TMEFF2: variants seen among roughly 807,000 people sequenced by gnomAD.
TMEFF2 encodes tomoregulin-2.
A neutral mutation model predicts 53.8 loss-of-function variants in TMEFF2; 28 were observed. The ratio of observed to expected loss-of-function variants is 0.52; its 90% CI spans 0.39 to 0.71. TMEFF2 has a LOEUF of 0.71. TMEFF2 is among the 30% of genes least tolerant of loss of function. The pLI is 0.00. For synonymous variants in TMEFF2, 162 were observed against 166.3 expected, an observed-to-expected ratio of 0.97 and a Z score of 0.20; for missense variants, 353 against 455.2, an observed-to-expected ratio of 0.78 and a Z score of 2.04.
At chr2:192,188,137 C>T (rs368093821) in intron 2 of TMEFF2, among the ~76,000 whole-genome samples, 18 of 152,312 alleles carry the variant, frequency 1.2e-4, no homozygotes, top group African/African-American at 4.3e-4. Context: ...AATCCTTTGG[C>T]CATTCCATAA....
chr2:191,966,643 CA>C (rs1324984923), intron 7 of TMEFF2, among the ~76,000 whole-genome samples: 1 of 151,810 alleles, frequency 6.6e-6, no homozygotes. Flanking sequence ...AAAAGCAAAA[CA>C]AAACAAAAAA....
intron 5 of TMEFF2, among the ~76,000 whole-genome samples, chr2:192,013,726 C>T (rs1204232174): frequency 1.3e-5 from 2 of 152,278 alleles, no homozygotes; most frequent in East Asian, 3.9e-4. Flanking sequence ...CTGGGATTTA[C>T]AGGCATGAAC....
intron 7 of TMEFF2, among the ~76,000 whole-genome samples, chr2:191,988,302 A>G (rs967574944): frequency 6.6e-6 from 1 of 152,192 alleles, no homozygotes; most frequent in African/African-American, 2.4e-5. Context: ...TCAAAAATCA[A>G]TAACAAAGGC....
intron 7 of TMEFF2, among the ~76,000 whole-genome samples, chr2:191,960,277 A>T (rs1231921701): frequency 6.6e-6 from 1 of 152,216 alleles, no homozygotes; most frequent in African/African-American, 2.4e-5. Flanking sequence ...TTAAATATTT[A>T]TTCAGTTAAC....
At chr2:192,065,013 A>G (rs548994984) in intron 4 of TMEFF2, among the ~76,000 whole-genome samples, 1 of 152,006 alleles carries the variant, frequency 6.6e-6, no homozygotes, top group African/African-American at 2.4e-5. Context: ...ATAAATTCTA[A>G]GGAAATAAAT....
intron 4 of TMEFF2, among the ~76,000 whole-genome samples, chr2:192,141,179 G>A (rs1476810696): frequency 2.0e-5 from 3 of 152,034 alleles, no homozygotes; most frequent in South Asian, 2.1e-4. Flanking sequence ...TTGGCCAGGC[G>A]CGGTGGCTCA....
chr2:191,987,948 A>G (rs1041642670), intron 7 of TMEFF2, among the ~76,000 whole-genome samples: 2 of 152,170 alleles, frequency 1.3e-5, no homozygotes, highest in African/African-American at 4.8e-5. Context: ...TCATGATGAT[A>G]ATCATGAGTA....
intron 2 of TMEFF2, among the ~76,000 whole-genome samples, chr2:192,185,278 T>C (rs909031812): frequency 4.6e-5 from 7 of 152,074 alleles, no homozygotes; most frequent in African/African-American, 1.7e-4. Context: ...CATCATAATA[T>C]AATCATACTC....
intron 4 of TMEFF2, among the ~76,000 whole-genome samples, chr2:192,090,943 T>C (rs1688776377): frequency 6.6e-6 from 1 of 152,146 alleles, no homozygotes; most frequent in African/African-American, 2.4e-5. Flanking sequence ...AATTTCATGG[T>C]TCTATTCCTG....
chr2:191,977,552 A>G (rs1200817832), intron 7 of TMEFF2, among the ~76,000 whole-genome samples: 4 of 152,242 alleles, frequency 2.6e-5, no homozygotes, highest in Non-Finnish European at 5.9e-5. Flanking sequence ...CAATTTACAA[A>G]GGAAACAAAA....
chr2:192,054,039 G>T (rs564406541), intron 5 of TMEFF2, among the ~76,000 whole-genome samples: 4 of 151,848 alleles, frequency 2.6e-5, no homozygotes, highest in African/African-American at 9.7e-5. Flanking sequence ...TTTTGTTCTT[G>T]TCTTGGAAGT....
At chr2:191,976,763 G>A (rs1348362236) in intron 7 of TMEFF2, among the ~76,000 whole-genome samples, 1 of 152,194 alleles carries the variant, frequency 6.6e-6, no homozygotes, top group Admixed American at 6.5e-5. Flanking sequence ...GACTCCGGGT[G>A]GAAGGTGGGG....
intron 4 of TMEFF2, among the ~76,000 whole-genome samples, chr2:192,072,415 G>C (rs1688312057): frequency 6.6e-6 from 1 of 151,686 alleles, no homozygotes; most frequent in South Asian, 2.1e-4. Flanking sequence ...GCTGATTCAG[G>C]GTATCCCCAA....
Position 191,949,325 on chromosome 2 carries a change from A to G in TMEFF2, c.*986T>C, listed in dbSNP as rs1691796611. 1 of 985,380 alleles carries G rather than the reference A, an allele frequency of 1.0e-6. No homozygotes were observed. Among genetic ancestry groups the G allele is most frequent in the African/African-American group, 1.7e-5 (1 of 57,356 alleles). The allele number at this position is 985,380 out of a possible 1,614,324, so 61.0% of individuals were successfully genotyped here. A position where few individuals can be genotyped will look rare whatever the true frequency, so the allele number is the denominator to read the frequency against. On this transcript the variant is annotated 3_prime_UTR_variant, in exon 10 of 10. Coordinates refer to ENST00000272771, the MANE Select transcript of TMEFF2 (RefSeq NM_016192.4). The stretch of plus-strand genomic sequence containing the variant: ...AAACATCTCTCTGTTTTCATGAAAT[A>G]TCGTCATCATCATCTTAGTTCCATT...
intron 5 of TMEFF2, among the ~76,000 whole-genome samples, chr2:192,050,092 T>G (rs1029847393): frequency 3.3e-5 from 5 of 152,232 alleles, no homozygotes; most frequent in African/African-American, 1.2e-4. Context: ...CTTAGGAGTT[T>G]TGTTTCCTTT....
intron 9 of TMEFF2, 190 bp from the exon 10 acceptor site, chr2:191,950,597 A>AAG: frequency 1.2e-6 from 1 of 815,186 alleles, no homozygotes; most frequent in Non-Finnish European, 2.0e-6. Context: ...TTGTCTTTAA[A>AAG]TTTTTGTTGG....
intron 4 of TMEFF2, among the ~76,000 whole-genome samples, chr2:192,063,491 T>A (rs1688096903): frequency 6.6e-6 from 1 of 151,940 alleles, no homozygotes; most frequent in Non-Finnish European, 1.5e-5. Context: ...GTCTATCTTT[T>A]TGAGTATTTC....
In TMEFF2 at chr2:192,042,200, CA is replaced by C. The variant is rs35728678; in HGVS notation, c.536+15478del. 3.4e-3 allele frequency among the ~76,000 whole-genome samples: 473 copies of C among 139,262 alleles called. 2 individuals carry two copies. Among genetic ancestry groups the C allele is most frequent in the African/African-American group, 9.7e-3 (367 of 37,836 alleles). The allele number at this position is 139,262 out of a possible 152,430, so 91.4% of individuals were successfully genotyped here. On this transcript the variant is annotated intron_variant, in intron 5 of 9. Transcript: ENST00000272771. ...TGGGCAGTAGAGTGAGACTCTGTCT[CA>C]AAAAAAAAAAATCACTGATCACAGA...
intron 4 of TMEFF2, among the ~76,000 whole-genome samples, chr2:192,155,869 T>C (rs1194804561): frequency 6.6e-6 from 1 of 152,032 alleles, no homozygotes; most frequent in Admixed American, 6.6e-5. Context: ...GATTTTATGG[T>C]ATTTCTGCTT....
Sources: gnomAD v4.1 joint callset for allele counts (sites outside exome capture counted in the v4.1 genomes callset) on GRCh38, gnomAD v4.1.1 for gene constraint, MANE v1.5 for transcripts, NCBI Gene and HGNC (gene_info 2026-07-23, HGNC 2026-07-21) for gene names.